Variants in SLC5A10 observed in about 807,000 individuals in gnomAD.
The protein encoded by SLC5A10 is sodium/mannose cotransporter SLC5A10.
A neutral mutation model predicts 68.9 loss-of-function variants in SLC5A10; 55 were observed. That is an observed-to-expected ratio of 0.80 (90% CI 0.64 to 1.00). The LOEUF (loss-of-function observed/expected upper bound fraction) is 1.00. SLC5A10 is among the 50% of genes least tolerant of loss of function. The pLI is 0.00. For synonymous variants in SLC5A10, 344 were observed against 344.8 expected (o/e 1.00, Z 0.02); for missense variants, 732 against 819.3 (o/e 0.89, Z 1.30).
At position 18,959,230 on chromosome 17, in the gene SLC5A10, C is replaced by T. The variant is rs146918144; in HGVS notation, c.279C>T (p.Phe93=). The part of the protein sequence containing the change: ...GAAGGLAVAG[F]EWNATYVLLA... ...CAGGAGGTCTGGCCGTGGCAGGCTT[C>T]GAGTGGAATGTGAGTCCTGGAGGAC... Residue 93 remains phenylalanine, a synonymous_variant, in exon 3 of 15, where the codon TTC becomes TTT. Coordinates refer to ENST00000395645, the MANE Select transcript of SLC5A10 (RefSeq NM_001042450.4). 1.2e-3 allele frequency: 1,858 copies of T among 1,612,986 alleles called. 4 individuals carry two copies. The highest frequency in any genetic ancestry group is 2.0e-3 in the Middle Eastern group (12 of 5,874).
At chr17:18,951,476 A>G (rs7226255), upstream of SLC5A10, 241 of 4,804 alleles carry the variant, frequency 0.05, no homozygotes, top group South Asian at 0.31. Context: ...GATCATGTGC[A>G]GAACAGCCAC....
At chr17:18,993,374 G>A (rs1364171975) in intron 9 of SLC5A10, among the ~76,000 whole-genome samples, 3 of 152,206 alleles carry the variant, frequency 2.0e-5, no homozygotes, top group Non-Finnish European at 4.4e-5. Flanking sequence ...TATCACTTGC[G>A]TATTTCTTCT....
At chr17:18,991,840 G>A (rs773888201) in intron 9 of SLC5A10, among the ~76,000 whole-genome samples, 13 of 152,200 alleles carry the variant, frequency 8.5e-5, no homozygotes, top group Admixed American at 3.3e-4. Context: ...TCTGCTGGGC[G>A]GCCTTGAGGC....
Position 19,017,214 on chromosome 17 carries a change from C to G in SLC5A10, c.1241+2015C>G. On this transcript the variant is annotated intron_variant, in intron 11 of 14. Transcript: ENST00000395645. This position sits in a 1 kb window ranked among gnomAD's most constrained non-coding sequence, Gnocchi z 5.6. ...GGGCCCCAGTTCTCTCAGCTGCCAG[C>G]TGGATAGAGCAGAAAGGGCCCCGTG... The G allele has an allele frequency of 7.2e-7, 1 of 1,383,648 alleles. No individual in the cohort carries two copies. The highest frequency in any genetic ancestry group is 1.0e-6 in the Non-Finnish European group (1 of 997,794). The allele number at this position is 1,383,648 out of a possible 1,614,324, so 85.7% of individuals were successfully genotyped here.
At chr17:18,999,989 T>C (rs781668110) in intron 9 of SLC5A10, among the ~76,000 whole-genome samples, 1 of 152,188 alleles carries the variant, frequency 6.6e-6, no homozygotes, top group African/African-American at 2.4e-5. Flanking sequence ...AGCTAGAACA[T>C]CTACATCCAG....
chr17:18,972,885 G>C (rs913827000), intron 8 of SLC5A10, among the ~76,000 whole-genome samples: 3 of 136,696 alleles, frequency 2.2e-5, no homozygotes, highest in Admixed American at 7.3e-5. Flanking sequence ...AAAAAAAAAA[G>C]AACAGACCCC....
intron 8 of SLC5A10, among the ~76,000 whole-genome samples, chr17:18,972,558 G>T (rs992523134): frequency 6.6e-6 from 1 of 152,308 alleles, no homozygotes; most frequent in South Asian, 2.1e-4. Flanking sequence ...CCCTCCCTGG[G>T]TTCCAACAGT....
At chr17:18,985,161 C>A (rs1273778361) in intron 9 of SLC5A10, among the ~76,000 whole-genome samples, 2 of 152,230 alleles carry the variant, frequency 1.3e-5, no homozygotes, top group Non-Finnish European at 1.5e-5. Flanking sequence ...CGGGGCTGTG[C>A]CTGTCCCTAG....
rs1330928810 is a variant in SLC5A10 at position 19,020,469 on chromosome 17, C to T, written c.*38C>T. Reference sequence around the variant, plus strand: ...GGACAGAAAGGCAGGAGCTCTGAGTCCTCAGGTCCACCCATTTCCCTCATG... The same window carrying T: ...GGACAGAAAGGCAGGAGCTCTGAGTTCTCAGGTCCACCCATTTCCCTCATG... On this transcript the variant is annotated 3_prime_UTR_variant, in exon 15 of 15. Transcript: ENST00000395645. 1.9e-6 allele frequency: 3 copies of T among 1,593,414 alleles called. No homozygotes were observed. The highest frequency in any genetic ancestry group is 2.2e-5 in the East Asian group (1 of 44,752).
At chr17:18,967,222 G>T (rs1207212948) in intron 5 of SLC5A10, among the ~76,000 whole-genome samples, 1 of 152,200 alleles carries the variant, frequency 6.6e-6, no homozygotes, top group Non-Finnish European at 1.5e-5. Flanking sequence ...TTCACTGGAT[G>T]CCATGTAGTG....
At chr17:18,980,425 G>A (rs1030050584) in intron 9 of SLC5A10, among the ~76,000 whole-genome samples, 2 of 152,136 alleles carry the variant, frequency 1.3e-5, no homozygotes, top group Non-Finnish European at 2.9e-5. Context: ...AAGGAGAAGA[G>A]GGCTCCTTGG....
intron 1 of SLC5A10, 123 bp downstream of exon 1, chr17:18,952,439 T>C (rs1413819601): frequency 2.5e-6 from 3 of 1,218,738 alleles, no homozygotes; most frequent in Non-Finnish European, 2.3e-6. Context: ...CTAGTGATCC[T>C]TGTGGTCCTC....
intron 10 of SLC5A10, 54 bp downstream of exon 10, chr17:19,013,571 C>T (rs937522007): frequency 1.5e-5 from 23 of 1,498,906 alleles, no homozygotes; most frequent in Admixed American, 2.2e-5. Flanking sequence ...GGACTTGGGG[C>T]CCAATGAGTA....
At position 18,978,259 on chromosome 17, in the gene SLC5A10, C is replaced by A. The variant is rs117693306; in HGVS notation, c.982+1270C>A. On this transcript the variant is annotated intron_variant, in intron 9 of 14. Coordinates refer to ENST00000395645, the MANE Select transcript of SLC5A10 (RefSeq NM_001042450.4). ...GGGGAGGGCAAGGCTCTGGACGGGGCCTGCTGTCCTGGCTCTGCTTCCACA... is the reference window on the plus strand; with the variant it reads ...GGGGAGGGCAAGGCTCTGGACGGGGACTGCTGTCCTGGCTCTGCTTCCACA... The A allele has an allele frequency of 3.7e-6, 6 of 1,605,786 alleles. No homozygotes were observed. The East Asian group carries it at 6.7e-5, about 18-fold the overall frequency.
chr17:19,019,115 A>G (rs577996025), intron 11 of SLC5A10: 9 of 362,216 alleles, frequency 2.5e-5, no homozygotes, highest in African/African-American at 1.9e-4. Context: ...GGTGCTTTGA[A>G]GGAGAGACAA....
rs2043693441 is a variant in SLC5A10 at position 19,000,167 on chromosome 17, C to T, written c.983-13243C>T. ...CCCAGATAAATCATGGCTCCTGGGG[C>T]TAGGGGAGGGGCAGGCAGTTGACCT... On this transcript the variant is annotated intron_variant, in intron 9 of 14. Coordinates refer to ENST00000395645, the MANE Select transcript of SLC5A10 (RefSeq NM_001042450.4). This position sits in a 1 kb window ranked among gnomAD's most constrained non-coding sequence, Gnocchi z 5.2. 6.6e-6 allele frequency among the ~76,000 whole-genome samples: 1 copy of T among 152,164 alleles called. No individual in the cohort carries two copies. Among genetic ancestry groups the T allele is most frequent in the Non-Finnish European group, 1.5e-5 (1 of 68,006 alleles).
At chr17:19,011,537 C>T (rs1426183998) in intron 9 of SLC5A10, among the ~76,000 whole-genome samples, 1 of 151,902 alleles carries the variant, frequency 6.6e-6, no homozygotes, top group East Asian at 1.9e-4. Context: ...GGAGGAGGGT[C>T]CTGAGAAATA....
intron 5 of SLC5A10, among the ~76,000 whole-genome samples, chr17:18,967,909 C>T (rs1028735898): frequency 4.0e-5 from 6 of 151,484 alleles, no homozygotes; most frequent in Non-Finnish European, 7.4e-5. Context: ...AACTACCTGC[C>T]CTTCCTATAC....
intron 9 of SLC5A10, among the ~76,000 whole-genome samples, chr17:18,991,001 T>A (rs1167432218): frequency 2.0e-5 from 3 of 152,198 alleles, no homozygotes; most frequent in African/African-American, 7.2e-5. Flanking sequence ...TCCTGGGCCC[T>A]TGAGCTGCTT....
Sources: gnomAD v4.1 joint callset for allele counts (sites outside exome capture counted in the v4.1 genomes callset) on GRCh38, gnomAD v4.1.1 for gene constraint, Gnocchi (gnomAD v3.1) non-coding constraint, MANE v1.5 for transcripts, NCBI Gene and HGNC (gene_info 2026-07-23, HGNC 2026-07-21) for gene names.